The following PTPRG variants were observed in gnomAD, a reference collection of about 807,000 sequenced individuals.
The protein encoded by PTPRG is protein tyrosine phosphatase receptor type G.
In PTPRG, 102 loss-of-function variants were observed where a neutral mutation model predicts 165.3. The observed-to-expected ratio is 0.62, with a 90% CI of 0.53 to 0.73. PTPRG has a LOEUF of 0.73. PTPRG is among the 30% of genes least tolerant of loss of function. PTPRG has a pLI of 0.00. For missense variants in PTPRG, 1,866 were observed against 1,861.4 expected (o/e 1.00, Z -0.05); for synonymous variants, 675 against 669.5 (o/e 1.01, Z -0.13).
chr3:62,231,252 C>T lies in PTPRG; in HGVS notation c.2316C>T (p.Gly772=), dbSNP rs761390512. The part of the protein sequence containing the change: ...WRGCNKIKSK[G]FPRRFREVPS... ...GGTGTAACAAAATAAAGTCCAAGGG[C>T]TTTCCCAGACGTTTCCGTGAAGTGC... Residue 772 remains glycine, a synonymous_variant, in exon 14 of 30, where the codon GGC becomes GGT. Transcript: ENST00000474889. 5 of 1,591,176 alleles carry T rather than the reference C, an allele frequency of 3.1e-6. No individual in the cohort carries two copies. The highest frequency in any genetic ancestry group is 4.3e-6 in the Non-Finnish European group (5 of 1,168,366).
intron 1 of PTPRG, among the ~76,000 whole-genome samples, chr3:61,724,731 TC>T (rs1017860227): frequency 6.6e-6 from 1 of 152,278 alleles, no homozygotes; most frequent in African/African-American, 2.4e-5. Flanking sequence ...ATTTTCATTT[TC>T]CTGGTGGCTA....
chr3:61,975,889 T>C (rs1180036581), intron 2 of PTPRG, among the ~76,000 whole-genome samples: 1 of 152,166 alleles, frequency 6.6e-6, no homozygotes, highest in Non-Finnish European at 1.5e-5. Context: ...TTTTCACTGA[T>C]TTGCTCTTTT....
intron 1 of PTPRG, among the ~76,000 whole-genome samples, chr3:61,690,636 A>G (rs762200938): frequency 6.6e-6 from 1 of 152,230 alleles, no homozygotes; most frequent in Non-Finnish European, 1.5e-5. Context: ...CTTCTCCGTC[A>G]TCACACATCA....
At position 61,679,874 on chromosome 3, in the gene PTPRG, G is replaced by C. The variant is rs377168603; in HGVS notation, c.86-69004G>C. On this transcript the variant is annotated intron_variant, in intron 1 of 29. Transcript: ENST00000474889. ...GTTCACAGGGTTTAAATGGAATGCA[G>C]TGGGAAGTAAAGAGTGATCCCAAGG... 2.4e-4 allele frequency among the ~76,000 whole-genome samples: 36 copies of C among 152,328 alleles called. No individual in the cohort carries two copies. The South Asian group carries it at 5.0e-3, about 21-fold the overall frequency.
intron 1 of PTPRG, among the ~76,000 whole-genome samples, chr3:61,641,112 A>T (rs1702047449): frequency 6.6e-6 from 1 of 152,168 alleles, no homozygotes; most frequent in African/African-American, 2.4e-5. Flanking sequence ...TTTGATCATC[A>T]ACTCCTTGGA....
chr3:61,672,818 A>AGGGG (rs150830472), intron 1 of PTPRG, among the ~76,000 whole-genome samples: 1 of 143,956 alleles, frequency 6.9e-6, no homozygotes, highest in Non-Finnish European at 1.5e-5. Flanking sequence ...AGAGGGAGAG[A>AGGGG]GAGAGGGAGA....
intron 5 of PTPRG, among the ~76,000 whole-genome samples, chr3:62,079,776 T>G (rs763975443): frequency 2.0e-5 from 3 of 152,238 alleles, no homozygotes; most frequent in Non-Finnish European, 2.9e-5. Context: ...AGTGTAATGG[T>G]AATGTAGTTA....
At chr3:62,078,668 C>T (rs931486956) in intron 5 of PTPRG, among the ~76,000 whole-genome samples, 4 of 151,936 alleles carry the variant, frequency 2.6e-5, no homozygotes, top group Admixed American at 1.3e-4. Flanking sequence ...TAAAGAGACC[C>T]CCTCTCTTTC....
At position 62,084,019 on chromosome 3, in the gene PTPRG, C is replaced by A. The variant is rs568478155; in HGVS notation, c.615+5761C>A. 2.0e-5 allele frequency among the ~76,000 whole-genome samples: 3 copies of A among 152,242 alleles called. No individual in the cohort carries two copies. The East Asian group carries it at 5.8e-4, about 29-fold the overall frequency. The stretch of plus-strand genomic sequence containing the variant: ...AATGCTTGAAATTTCATTTATATTT[C>A]ATTAATTCCATTGAACTTTGGAATC... On this transcript the variant is annotated intron_variant, in intron 5 of 29. Coordinates refer to ENST00000474889, the MANE Select transcript of PTPRG (RefSeq NM_002841.4).
In PTPRG at chr3:61,693,949, A is replaced by G. The variant is rs187593383; in HGVS notation, c.86-54929A>G. 2.4e-3 allele frequency among the ~76,000 whole-genome samples: 367 copies of G among 150,330 alleles called. 2 individuals are homozygous for G. The highest frequency in any genetic ancestry group is 8.7e-3 in the African/African-American group (354 of 40,840). On this transcript the variant is annotated intron_variant, in intron 1 of 29. Transcript: ENST00000474889. Reference sequence around the variant, plus strand: ...CTTGAACCCAGGAGGCAGAGGTTACAGTGAGCCGAGATCACGATACTGCAC... The same window carrying G: ...CTTGAACCCAGGAGGCAGAGGTTACGGTGAGCCGAGATCACGATACTGCAC...
chr3:61,751,581 C>T (rs954704888), intron 2 of PTPRG, among the ~76,000 whole-genome samples: 5 of 151,968 alleles, frequency 3.3e-5, no homozygotes, highest in African/African-American at 4.8e-5. Flanking sequence ...TAGTTCAAAG[C>T]GAAGTTTTGT....
At chr3:61,859,100 T>C (rs931311858) in intron 2 of PTPRG, among the ~76,000 whole-genome samples, 1 of 152,178 alleles carries the variant, frequency 6.6e-6, no homozygotes, top group African/African-American at 2.4e-5. Flanking sequence ...AAAATAAAGC[T>C]TAATCTAGTG....
At chr3:61,642,445 C>T (rs1216429719) in intron 1 of PTPRG, among the ~76,000 whole-genome samples, 1 of 152,156 alleles carries the variant, frequency 6.6e-6, no homozygotes, top group Non-Finnish European at 1.5e-5. Flanking sequence ...TCAGATAATT[C>T]TGGGAAAGCA....
At chr3:62,042,630 G>C (rs1452355725) in intron 4 of PTPRG, among the ~76,000 whole-genome samples, 1 of 152,062 alleles carries the variant, frequency 6.6e-6, no homozygotes, top group Non-Finnish European at 1.5e-5. Context: ...ATCCTAGAAG[G>C]CTTCAGGGTC....
At chr3:61,725,529 C>T (rs892776090) in intron 1 of PTPRG, among the ~76,000 whole-genome samples, 1 of 152,166 alleles carries the variant, frequency 6.6e-6, no homozygotes, top group South Asian at 2.1e-4. Flanking sequence ...CTCTGTGGGT[C>T]TCCTTCTGGG....
intron 2 of PTPRG, among the ~76,000 whole-genome samples, chr3:61,818,834 G>C (rs1221469579): frequency 1.1e-5 from 1 of 88,686 alleles, no homozygotes; most frequent in Non-Finnish European, 2.1e-5. Flanking sequence ...AAGTGAAATA[G>C]TGAAATAGTG....
chr3:61,911,312 A>G (rs990259848), intron 2 of PTPRG, among the ~76,000 whole-genome samples: 1 of 152,210 alleles, frequency 6.6e-6, no homozygotes, highest in Non-Finnish European at 1.5e-5. Context: ...CTGGCCAGGC[A>G]CCAGAGACAT....
At chr3:61,787,822 C>T (rs886779633) in intron 2 of PTPRG, among the ~76,000 whole-genome samples, 2 of 152,134 alleles carry the variant, frequency 1.3e-5, no homozygotes, top group African/African-American at 4.8e-5. Context: ...CTTAGGTAGA[C>T]ATTTGTGAAC....
intron 23 of PTPRG, among the ~76,000 whole-genome samples, 153 bp from the exon 24 acceptor site, chr3:62,275,720 G>T (rs1212856930): frequency 6.6e-6 from 1 of 152,192 alleles, no homozygotes; most frequent in African/African-American, 2.4e-5. Context: ...TCCAGCCTGG[G>T]CAAGAGAGCA....
Sources: allele counts gnomAD v4.1 joint callset (sites outside exome capture counted in the v4.1 genomes callset), GRCh38; gene constraint gnomAD v4.1.1; transcripts MANE v1.5; gene names NCBI Gene and HGNC (gene_info 2026-07-23, HGNC 2026-07-21).